The following ROBO1 variants were observed in gnomAD, a reference collection of about 807,000 sequenced individuals.
ROBO1 encodes the protein roundabout guidance receptor 1.
ROBO1 carries 149 observed loss-of-function variants against 195.9 expected under a neutral mutation model. The ratio of observed to expected loss-of-function variants is 0.76; its 90% CI spans 0.67 to 0.87. The LOEUF (loss-of-function observed/expected upper bound fraction) is 0.87, where lower values mean the gene tolerates loss of function less well. Ranked by LOEUF, ROBO1 falls within the 40% of genes least tolerant of loss-of-function variation. ROBO1 has a pLI of 0.00. For missense variants in ROBO1, 1,933 were observed against 2,068.3 expected, an observed-to-expected ratio of 0.93 and a Z score of 1.27; for synonymous variants, 816 against 733.2, an observed-to-expected ratio of 1.11 and a Z score of -1.82.
chr3:79,038,835 CTG>C (rs1422636167), intron 3 of ROBO1, among the ~76,000 whole-genome samples: 2 of 152,124 alleles, frequency 1.3e-5, no homozygotes, highest in Non-Finnish European at 2.9e-5. Flanking sequence ...CAGCTCCAGA[CTG>C]TAGCATTTCC....
At chr3:79,704,171 C>T (rs540739670) in intron 1 of ROBO1, among the ~76,000 whole-genome samples, 3 of 152,004 alleles carry the variant, frequency 2.0e-5, no homozygotes, top group Admixed American at 6.6e-5. Context: ...TCAACATTCC[C>T]GCCAAAGTGG....
At chr3:78,908,785 G>T (rs1467889727) in intron 4 of ROBO1, among the ~76,000 whole-genome samples, 1 of 151,796 alleles carries the variant, frequency 6.6e-6, no homozygotes, top group African/African-American at 2.4e-5. Context: ...ACATTAATCT[G>T]TACTCTGGAG....
At chr3:79,721,049 C>G (rs762957704) in intron 1 of ROBO1, among the ~76,000 whole-genome samples, 3 of 152,160 alleles carry the variant, frequency 2.0e-5, no homozygotes, top group Non-Finnish European at 4.4e-5. Flanking sequence ...GCCTTGGCCT[C>G]CCAAAGTGCT....
chr3:79,275,134 G>T (rs1490926601), intron 2 of ROBO1, among the ~76,000 whole-genome samples: 1 of 151,898 alleles, frequency 6.6e-6, no homozygotes, highest in Non-Finnish European at 1.5e-5. Context: ...GATTCTACAA[G>T]GCCAGTATTA....
intron 2 of ROBO1, among the ~76,000 whole-genome samples, chr3:79,204,720 A>G (rs2081834474): frequency 6.6e-6 from 1 of 152,010 alleles, no homozygotes; most frequent in Non-Finnish European, 1.5e-5. Flanking sequence ...CAGCTTTCTA[A>G]ATTTTGCTAA....
chr3:79,246,656 C>A, intron 2 of ROBO1, among the ~76,000 whole-genome samples: 1 of 151,930 alleles, frequency 6.6e-6, no homozygotes, highest in East Asian at 1.9e-4. Flanking sequence ...ATTTGTGTGA[C>A]CTTGAGCTAT....
chr3:79,053,994 A>T (rs577874854), intron 3 of ROBO1, among the ~76,000 whole-genome samples: 6 of 152,046 alleles, frequency 3.9e-5, no homozygotes, highest in Admixed American at 3.9e-4. Flanking sequence ...GGTATTACAA[A>T]CTTTTTGTAC....
At chr3:79,395,321 C>CAAAAAAAA (rs71631647) in intron 2 of ROBO1, among the ~76,000 whole-genome samples, 22 of 49,932 alleles carry the variant, frequency 4.4e-4, no homozygotes, top group African/African-American at 8.0e-4. Flanking sequence ...GACTCCGTCT[C>CAAAAAAAA]AAAAAAAAAA....
At chr3:79,741,982 AGT>A (rs1703666999) in intron 1 of ROBO1, among the ~76,000 whole-genome samples, 1 of 152,188 alleles carries the variant, frequency 6.6e-6, no homozygotes, top group South Asian at 2.1e-4. Flanking sequence ...TAAGCAGCAG[AGT>A]GTTCAATATG....
At chr3:79,567,727 TTC>T (rs1294233714) in intron 2 of ROBO1, among the ~76,000 whole-genome samples, 111 of 152,254 alleles carry the variant, frequency 7.3e-4, no homozygotes, top group African/African-American at 2.6e-3. Flanking sequence ...CTGGTATTGT[TTC>T]TACTCTAAAA....
rs138164763 is a variant in ROBO1 at position 79,191,750 on chromosome 3, T to C, written c.89-66211A>G. Among the ~76,000 whole-genome samples, 1,370 of 151,528 alleles carry C rather than the reference T, an allele frequency of 9.0e-3. 21 individuals are homozygous for C. Among genetic ancestry groups the C allele is most frequent in the African/African-American group, 0.031 (1,293 of 41,466 alleles). ...ATAACATGTATTATGCTTTAATTAA[T>C]GTACTTTAATTTTTCTAAAAAAATC... On this transcript the variant is annotated intron_variant, in intron 2 of 30. Coordinates refer to ENST00000464233, the MANE Select transcript of ROBO1 (RefSeq NM_002941.4).
chr3:78,663,490 T>C (rs1353164296), intron 14 of ROBO1, among the ~76,000 whole-genome samples: 4 of 152,138 alleles, frequency 2.6e-5, no homozygotes, highest in African/African-American at 9.7e-5. Context: ...CTGGTCTCAA[T>C]TGCTCCTACG....
intron 2 of ROBO1, among the ~76,000 whole-genome samples, chr3:79,500,103 C>CGGCA (rs939428873): frequency 6.9e-6 from 1 of 144,676 alleles, no homozygotes; most frequent in Admixed American, 7.1e-5. Context: ...CCATCCCATG[C>CGGCA]GGCAGTAAGT....
intron 4 of ROBO1, among the ~76,000 whole-genome samples, chr3:78,759,828 T>G (rs755335254): frequency 3.6e-4 from 53 of 145,984 alleles, no homozygotes; most frequent in Non-Finnish European, 7.2e-4. Flanking sequence ...CTAAACAGCA[T>G]GCCTTTTAAC....
intron 2 of ROBO1, among the ~76,000 whole-genome samples, chr3:79,138,042 T>C (rs2080448498): frequency 6.6e-6 from 1 of 152,122 alleles, no homozygotes; most frequent in African/African-American, 2.4e-5. Flanking sequence ...TAAAAAATTA[T>C]TAAAATGGGG....
rs1252390664 is a variant in ROBO1 at position 79,243,006 on chromosome 3, C to T, written c.89-117467G>A. Reference sequence around the variant, plus strand: ...CCTCCCCCCCACCCCACAACATGCCCTGGTGTGTGATGTTCCCCTTCCTGT... The same window carrying T: ...CCTCCCCCCCACCCCACAACATGCCTTGGTGTGTGATGTTCCCCTTCCTGT... On this transcript the variant is annotated intron_variant, in intron 2 of 30. Transcript: ENST00000464233. 6.1e-4 allele frequency among the ~76,000 whole-genome samples: 84 copies of T among 137,068 alleles called. 1 individual carries two copies. Among genetic ancestry groups the T allele is most frequent in the Non-Finnish European group, 1.1e-3 (69 of 65,142 alleles). The allele number at this position is 137,068 out of a possible 152,430, so 89.9% of individuals were successfully genotyped here.
At chr3:79,618,377 A>G (rs369604049) in intron 1 of ROBO1, among the ~76,000 whole-genome samples, 31 of 152,258 alleles carry the variant, frequency 2.0e-4, no homozygotes, top group African/African-American at 7.5e-4. Flanking sequence ...AAGAACCACA[A>G]AAGAAGTGAA....
intron 2 of ROBO1, among the ~76,000 whole-genome samples, chr3:79,535,671 AT>A (rs59612646): frequency 0.011 from 1,686 of 152,026 alleles, 23 homozygotes; most frequent in African/African-American, 0.038. Context: ...TCAGAAATGT[AT>A]TTTTTTTATG....
intron 3 of ROBO1, among the ~76,000 whole-genome samples, chr3:79,053,133 G>A (rs757864208): frequency 2.0e-5 from 3 of 151,888 alleles, no homozygotes; most frequent in Non-Finnish European, 4.4e-5. Context: ...CACTGTCTGG[G>A]GTGATTGGGC....
Sources: allele counts gnomAD v4.1 joint callset (sites outside exome capture counted in the v4.1 genomes callset), GRCh38; gene constraint gnomAD v4.1.1; transcripts MANE v1.5; gene names NCBI Gene and HGNC (gene_info 2026-07-23, HGNC 2026-07-21).